The following DSCAML1 variants were observed in gnomAD, a reference collection of about 807,000 sequenced individuals.
DSCAML1 encodes the protein cell adhesion molecule DSCAML1.
A neutral mutation model predicts 200.5 loss-of-function variants in DSCAML1; 38 were observed. That is an observed-to-expected ratio of 0.19 (90% CI 0.15 to 0.25). The LOEUF (loss-of-function observed/expected upper bound fraction) is 0.25, where lower values mean the gene tolerates loss of function less well. Among genes scored for constraint, DSCAML1 ranks in the 10% least tolerant of loss-of-function variants. DSCAML1 has a pLI of 1.00. For synonymous variants in DSCAML1, 1,215 were observed against 1,165.0 expected (o/e 1.04, Z -0.87); for missense variants, 2,223 against 2,858.8 (o/e 0.78, Z 5.07).
Position 117,437,968 on chromosome 11 carries a change from C to T in DSCAML1, c.4359G>A (p.Val1453=), listed in dbSNP as rs1348570075. The T allele has an allele frequency of 6.2e-7, 1 of 1,613,956 alleles. No individual in the cohort carries two copies. Among genetic ancestry groups the T allele is most frequent in the Non-Finnish European group, 8.5e-7 (1 of 1,180,028 alleles). The change falls in exon 25 of 33, where the codon GTG becomes GTA. Residue 1453 remains valine (V), a synonymous_variant. Transcript: ENST00000651296. This position sits in a 1 kb window ranked among gnomAD's most constrained non-coding sequence, Gnocchi z 5.3. ...CCACGCTGTTCTTGGCTGCCAGCTT[C>T]ACCTTGTACCACGTGCCACACTTGA... ...DSLKCGTWYK[V]KLAAKNSVGS... is the part of the protein sequence containing the mutation.
intron 21 of DSCAML1, among the ~76,000 whole-genome samples, 196 bp from the exon 22 acceptor site, chr11:117,440,132 C>T (rs919983410): frequency 6.6e-6 from 1 of 152,106 alleles, no homozygotes; most frequent in Non-Finnish European, 1.5e-5. Context: ...TGATGAAATA[C>T]CAGTTATGGT....
At chr11:117,690,507 G>A (rs914832349) in intron 3 of DSCAML1, among the ~76,000 whole-genome samples, 3 of 152,254 alleles carry the variant, frequency 2.0e-5, no homozygotes, top group African/African-American at 7.2e-5. Context: ...CTTGAGGCCT[G>A]TACGCCTCTG....
chr11:117,511,994 C>T (rs1478691879), intron 8 of DSCAML1, among the ~76,000 whole-genome samples: 3 of 152,236 alleles, frequency 2.0e-5, no homozygotes, highest in Non-Finnish European at 4.4e-5. Flanking sequence ...TAGAAAAATT[C>T]GTTAGAAGAC....
chr11:117,809,939 TCA>T (rs932101628), intron 1 of DSCAML1, among the ~76,000 whole-genome samples: 1 of 143,672 alleles, frequency 7.0e-6, no homozygotes, highest in South Asian at 2.2e-4. Context: ...ACACGCATAT[TCA>T]CATACACACA....
intron 18 of DSCAML1, 33 bp downstream of exon 18, chr11:117,461,417 C>T (rs1178246820): frequency 6.2e-6 from 10 of 1,613,320 alleles, no homozygotes; most frequent in Non-Finnish European, 8.5e-6. Context: ...CGCCTCTCCC[C>T]TGAGTCCCAG....
chr11:117,754,693 G>A (rs2054657984), intron 3 of DSCAML1, among the ~76,000 whole-genome samples: 2 of 152,140 alleles, frequency 1.3e-5, no homozygotes, highest in African/African-American at 4.8e-5. Context: ...CCTTCAGGAG[G>A]GAGTCATATG....
chr11:117,810,739 A>G (rs2055754028), intron 1 of DSCAML1, among the ~76,000 whole-genome samples: 1 of 152,220 alleles, frequency 6.6e-6, no homozygotes, highest in Non-Finnish European at 1.5e-5. Flanking sequence ...CAATTTTTCC[A>G]TCCTACAAGA....
chr11:117,514,014 T>C (rs2049703864), intron 8 of DSCAML1, among the ~76,000 whole-genome samples: 1 of 152,196 alleles, frequency 6.6e-6, no homozygotes, highest in African/African-American at 2.4e-5. Context: ...TATCACATGC[T>C]TGAGGGTCCT....
At chr11:117,718,227 C>A (rs1288938173) in intron 3 of DSCAML1, among the ~76,000 whole-genome samples, 1 of 152,200 alleles carries the variant, frequency 6.6e-6, no homozygotes, top group Admixed American at 6.5e-5. Flanking sequence ...ACCCCGCCAT[C>A]CCCCACCCCC....
intron 11 of DSCAML1, among the ~76,000 whole-genome samples, chr11:117,496,798 T>G (rs1329511757): frequency 6.6e-6 from 1 of 152,226 alleles, no homozygotes; most frequent in Non-Finnish European, 1.5e-5. Context: ...ATGGGCAGGT[T>G]CATCCCTCCT....
At chr11:117,751,173 C>G (rs2054599411) in intron 3 of DSCAML1, among the ~76,000 whole-genome samples, 1 of 151,998 alleles carries the variant, frequency 6.6e-6, no homozygotes, top group African/African-American at 2.4e-5. Flanking sequence ...GTAATGAGTC[C>G]TCATTGCAAT....
intron 3 of DSCAML1, among the ~76,000 whole-genome samples, chr11:117,739,602 C>T (rs2054384703): frequency 6.6e-6 from 1 of 152,252 alleles, no homozygotes; most frequent in African/African-American, 2.4e-5. Flanking sequence ...CGAAGTCAAG[C>T]TATTTACCCA....
rs532880452 is a variant in DSCAML1, at chr11:117,648,395, C to CTCTTCCT, written c.512-115874_512-115873insAGGAAGA. Among the ~76,000 whole-genome samples the CTCTTCCT allele has an allele frequency of 6.9e-4, 105 of 152,348 alleles. 2 individuals carry two copies. The East Asian group carries it at 0.019, about 28-fold the overall frequency. On this transcript the variant is annotated intron_variant, in intron 3 of 32. Coordinates refer to ENST00000651296, the MANE Select transcript of DSCAML1 (RefSeq NM_020693.4). ...AGGTGAATGAAAGCAACGCAGGACC[C>CTCTTCCT]GCTTCCACGCAGTTCACCTCTGCCC...
chr11:117,442,095 T>C (rs2048066018), intron 21 of DSCAML1, among the ~76,000 whole-genome samples: 1 of 145,114 alleles, frequency 6.9e-6, no homozygotes, highest in Non-Finnish European at 1.6e-5. Context: ...TGCATGTGAG[T>C]GCATGTTGTG....
intron 16 of DSCAML1, among the ~76,000 whole-genome samples, chr11:117,465,476 C>T (rs995493603): frequency 2.6e-5 from 4 of 152,314 alleles, no homozygotes; most frequent in African/African-American, 2.4e-5. Flanking sequence ...GCGTCCTTGC[C>T]GAAATGCCTC....
intron 3 of DSCAML1, among the ~76,000 whole-genome samples, chr11:117,569,085 T>C (rs2050803968): frequency 6.6e-6 from 1 of 152,158 alleles, no homozygotes; most frequent in South Asian, 2.1e-4. Flanking sequence ...AACTATCTGA[T>C]CTTTGACAAA....
At chr11:117,647,930 C>T (rs539530458) in intron 3 of DSCAML1, among the ~76,000 whole-genome samples, 3 of 152,272 alleles carry the variant, frequency 2.0e-5, no homozygotes, top group Middle Eastern at 3.4e-3. Context: ...GGCCATGTCA[C>T]GTCCCGCCGG....
At chr11:117,567,300 G>A (rs1477106134) in intron 3 of DSCAML1, among the ~76,000 whole-genome samples, 1 of 151,986 alleles carries the variant, frequency 6.6e-6, no homozygotes, top group Admixed American at 6.6e-5. Flanking sequence ...ATCTCATTGT[G>A]GTTTTGATTT....
In DSCAML1 at chr11:117,496,812, C is replaced by T. The variant is rs145549453; in HGVS notation, c.2359+7033G>A. ...CATGGGCAGGTTCATCCCTCCTATC[C>T]CTTTAATAAAACCTCCCTGCTTGTC... On this transcript the variant is annotated intron_variant, in intron 11 of 32. Transcript: ENST00000651296. Among the ~76,000 whole-genome samples, 529 of 152,320 alleles carry T rather than the reference C, an allele frequency of 3.5e-3. 1 individual carries two copies. The highest frequency in any genetic ancestry group is 5.3e-3 in the Non-Finnish European group (360 of 68,016).
Sources: allele counts gnomAD v4.1 joint callset (sites outside exome capture counted in the v4.1 genomes callset), GRCh38; gene constraint gnomAD v4.1.1; non-coding constraint Gnocchi (gnomAD v3.1); transcripts MANE v1.5; gene names NCBI Gene and HGNC (gene_info 2026-07-23, HGNC 2026-07-21).